The following KCNK10 variants were observed in gnomAD, a reference collection of about 807,000 sequenced individuals.
The protein encoded by KCNK10 is potassium two pore domain channel subfamily K member 10.
A neutral mutation model predicts 47.7 loss-of-function variants in KCNK10; 25 were observed. The observed-to-expected ratio is 0.52, with a 90% confidence interval of 0.38 to 0.73. The LOEUF is 0.73. KCNK10 is among the 30% of genes least tolerant of loss of function. The pLI, the probability that KCNK10 is intolerant of heterozygous loss-of-function variation, is 0.00. For missense variants in KCNK10, 563 were observed against 714.5 expected, an observed-to-expected ratio of 0.79 and a Z score of 2.42; for synonymous variants, 303 against 285.6, an observed-to-expected ratio of 1.06 and a Z score of -0.61.
intron 4 of KCNK10, among the ~76,000 whole-genome samples, chr14:88,223,987 C>T (rs1342024121): frequency 6.6e-6 from 1 of 151,054 alleles, no homozygotes; most frequent in Non-Finnish European, 1.5e-5. Context: ...TCCAGACTAG[C>T]CTTGCCAACA....
intron 1 of KCNK10, among the ~76,000 whole-genome samples, chr14:88,298,180 T>C (rs1888024994): frequency 6.6e-6 from 1 of 152,202 alleles, no homozygotes; most frequent in Non-Finnish European, 1.5e-5. Context: ...TGACTTTTCA[T>C]AGAATATTAT....
intron 2 of KCNK10, among the ~76,000 whole-genome samples, chr14:88,262,441 G>C (rs1298397042): frequency 6.6e-6 from 1 of 151,958 alleles, no homozygotes; most frequent in Non-Finnish European, 1.5e-5. Flanking sequence ...CCAGTCCCTC[G>C]CACCGCAGCC....
intron 1 of KCNK10, among the ~76,000 whole-genome samples, chr14:88,293,411 A>G (rs61977014): frequency 0.29 from 44,503 of 152,020 alleles, 7,410 homozygotes; most frequent in Non-Finnish European, 0.37. Flanking sequence ...ATTCTTACCT[A>G]TCTCAAGAAA....
At chr14:88,288,625 A>G (rs1295805440) in intron 1 of KCNK10, among the ~76,000 whole-genome samples, 2 of 151,868 alleles carry the variant, frequency 1.3e-5, no homozygotes, top group Admixed American at 6.6e-5. Flanking sequence ...GGTTCCCACA[A>G]CTCCCTGAGG....
intron 2 of KCNK10, among the ~76,000 whole-genome samples, chr14:88,261,414 A>T (rs772235477): frequency 2.0e-5 from 3 of 152,216 alleles, no homozygotes; most frequent in Non-Finnish European, 4.4e-5. Flanking sequence ...GGCACTGATT[A>T]GTACAAAAAT....
At chr14:88,246,511 C>A (rs184940896) in intron 2 of KCNK10, among the ~76,000 whole-genome samples, 1 of 152,254 alleles carries the variant, frequency 6.6e-6, no homozygotes, top group Admixed American at 6.5e-5. Context: ...ATTACTTTTT[C>A]TTTCACCTGC....
chr14:88,246,665 C>T (rs1158719348), intron 2 of KCNK10, among the ~76,000 whole-genome samples: 1 of 152,184 alleles, frequency 6.6e-6, no homozygotes, highest in Non-Finnish European at 1.5e-5. Flanking sequence ...ACTTTTGTGG[C>T]TGATTCAGAG....
intron 1 of KCNK10, among the ~76,000 whole-genome samples, chr14:88,292,910 C>T (rs12880446): frequency 0.37 from 56,614 of 151,950 alleles, 10,882 homozygotes; most frequent in African/African-American, 0.47. Context: ...AGGAACAAGC[C>T]ACCTCACCCG....
chr14:88,285,803 C>G (rs1159150825), intron 1 of KCNK10, among the ~76,000 whole-genome samples: 3 of 152,128 alleles, frequency 2.0e-5, no homozygotes, highest in African/African-American at 4.8e-5. Flanking sequence ...CTGTATTTAC[C>G]AAAACTAGCT....
intron 1 of KCNK10, among the ~76,000 whole-genome samples, chr14:88,292,034 G>A (rs781757801): frequency 7.2e-5 from 11 of 152,210 alleles, no homozygotes; most frequent in Non-Finnish European, 1.3e-4. Flanking sequence ...GTCTGTAGAG[G>A]AAAGTCTGGG....
At chr14:88,272,883 G>T (rs1887439542) in intron 1 of KCNK10, among the ~76,000 whole-genome samples, 1 of 152,174 alleles carries the variant, frequency 6.6e-6, no homozygotes, top group Non-Finnish European at 1.5e-5. Context: ...GGGTCCTAGT[G>T]ATGGATGCAA....
chr14:88,193,842 C>T (rs1884826668), intron 4 of KCNK10, among the ~76,000 whole-genome samples: 1 of 152,086 alleles, frequency 6.6e-6, no homozygotes, highest in Non-Finnish European at 1.5e-5. Flanking sequence ...TTCACCAACC[C>T]AAAGAAAGTT....
intron 5 of KCNK10, among the ~76,000 whole-genome samples, chr14:88,189,562 A>C (rs973107058): frequency 6.6e-6 from 1 of 152,304 alleles, no homozygotes; most frequent in Admixed American, 6.5e-5. Flanking sequence ...TGAAGCAGGC[A>C]GTCAACACCC....
chr14:88,264,649 G>A (rs1019361220), intron 1 of KCNK10, among the ~76,000 whole-genome samples: 4 of 152,118 alleles, frequency 2.6e-5, no homozygotes, highest in African/African-American at 9.7e-5. Context: ...CTCCTCCTAG[G>A]CCCTCGGAAT....
At chr14:88,265,718 G>A (rs749142484) in intron 1 of KCNK10, among the ~76,000 whole-genome samples, 5 of 152,126 alleles carry the variant, frequency 3.3e-5, no homozygotes, top group Admixed American at 1.3e-4. Flanking sequence ...GAGTGACCCC[G>A]TGGGAGGTAA....
chr14:88,234,944 G>C, intron 3 of KCNK10: 2 of 348,778 alleles, frequency 5.7e-6, no homozygotes, highest in Non-Finnish European at 1.1e-5. Flanking sequence ...GCCCTAAAGT[G>C]GTAAATTTCA....
chr14:88,301,172 T>C (rs1888084991), intron 1 of KCNK10, among the ~76,000 whole-genome samples: 1 of 152,214 alleles, frequency 6.6e-6, no homozygotes, highest in Non-Finnish European at 1.5e-5. Context: ...GTCAGGACTT[T>C]TAATCTGTCA....
At chr14:88,290,408 T>C (rs959933034) in intron 1 of KCNK10, among the ~76,000 whole-genome samples, 1 of 152,194 alleles carries the variant, frequency 6.6e-6, no homozygotes. Context: ...CAGAATGATA[T>C]GATAAACTTG....
upstream of KCNK10, among the ~76,000 whole-genome samples, chr14:88,325,967 G>A (rs1459509338): frequency 6.6e-6 from 1 of 152,000 alleles, no homozygotes; most frequent in Non-Finnish European, 1.5e-5. Context: ...GGGAGGTGGG[G>A]GTAGACTCTA....
Sources: allele counts gnomAD v4.1 joint callset (sites outside exome capture counted in the v4.1 genomes callset), GRCh38; gene constraint gnomAD v4.1.1; transcripts MANE v1.5; gene names NCBI Gene and HGNC (gene_info 2026-07-23, HGNC 2026-07-21).